Variants in DMD observed in about 807,000 individuals in gnomAD.
DMD encodes the protein mutant dystrophin.
In DMD, 63 loss-of-function variants were observed where a neutral mutation model predicts 330.1. The observed-to-expected ratio is 0.19, with a 90% CI of 0.16 to 0.24. The LOEUF is 0.24. Among genes scored for constraint, DMD ranks in the 10% least tolerant of loss-of-function variants. DMD has a pLI of 1.00. For missense variants in DMD, 3,344 were observed against 2,684.1 expected (o/e 1.25, Z -5.43); for synonymous variants, 1,223 against 959.8 (o/e 1.27, Z -5.07).
intron 44 of DMD, among the ~76,000 whole-genome samples, chrX:32,190,485 C>G (rs2096968669): frequency 1.0e-5 from 1 of 100,197 alleles, no homozygotes; most frequent in Admixed American, 1.1e-4. Flanking sequence ...ATACATGGGA[C>G]TTGTCAAGAG....
chrX:31,459,122 T>C (rs1184297232), intron 59 of DMD, among the ~76,000 whole-genome samples: 1 of 111,190 alleles, frequency 9.0e-6, no homozygotes, highest in African/African-American at 3.3e-5. Context: ...GCTAGAAACA[T>C]GTGAAGACCA....
chrX:32,362,988 G>A, intron 36 of DMD, 30 bp from the exon 37 acceptor site: 5 of 1,177,169 alleles, frequency 4.2e-6, no homozygotes, highest in Non-Finnish European at 3.4e-6. Flanking sequence ...GATAGGACTT[G>A]AAGTTAGTAA....
chrX:31,298,736 C>G (rs2054396015), intron 62 of DMD, among the ~76,000 whole-genome samples: 1 of 111,970 alleles, frequency 8.9e-6, no homozygotes. Context: ...AGCAGGTTGG[C>G]AATGAGTAAA....
At chrX:32,834,976 G>T (rs2079485673) in intron 4 of DMD, among the ~76,000 whole-genome samples, 1 of 110,796 alleles carries the variant, frequency 9.0e-6, no homozygotes, top group South Asian at 3.8e-4. Context: ...GGGGAGCGGG[G>T]GGTAGTTTAA....
At chrX:32,398,559 G>A (rs966265769) in intron 30 of DMD, among the ~76,000 whole-genome samples, 9 of 110,830 alleles carry the variant, frequency 8.1e-5, no homozygotes, top group African/African-American at 2.0e-4. Context: ...ATTTTTCTGC[G>A]TAATCTTGAC....
At chrX:32,730,801 TACAGAAAATTTTCAGCCATGA>T (rs2067500926) in intron 7 of DMD, among the ~76,000 whole-genome samples, 1 of 111,404 alleles carries the variant, frequency 9.0e-6, no homozygotes, top group African/African-American at 3.3e-5. Context: ...AGATGGGAGA[TACAGAAAATTTTCAGCCATGA>T]GCAGAAAAAG....
chrX:33,079,304 G>T (rs2094891414), intron 1 of DMD, among the ~76,000 whole-genome samples: 1 of 111,568 alleles, frequency 9.0e-6, no homozygotes, highest in African/African-American at 3.3e-5. Context: ...GAGCCACCAT[G>T]CCCGGCCTAT....
intron 1 of DMD, among the ~76,000 whole-genome samples, chrX:33,084,716 T>C (rs1245966785): frequency 1.8e-5 from 2 of 111,723 alleles, no homozygotes; most frequent in Non-Finnish European, 3.8e-5. Context: ...GCATGACTCC[T>C]AAACCATAAT....
intron 51 of DMD, among the ~76,000 whole-genome samples, chrX:31,765,997 A>C (rs2089968186): frequency 9.0e-6 from 1 of 111,499 alleles, no homozygotes; most frequent in Non-Finnish European, 1.9e-5. Context: ...TTACATCATA[A>C]CACACTGTAA....
intron 9 of DMD, among the ~76,000 whole-genome samples, chrX:32,678,516 G>GTGTGT (rs1556911673): frequency 8.1e-5 from 9 of 111,193 alleles, no homozygotes; most frequent in African/African-American, 1.6e-4. Flanking sequence ...GTGTGTGTGT[G>GTGTGT]TGTGTTGTGT....
chrX:32,072,197 C>T (rs1403014994), intron 44 of DMD, among the ~76,000 whole-genome samples: 3 of 111,123 alleles, frequency 2.7e-5, no homozygotes, highest in Non-Finnish European at 5.7e-5. Context: ...TGCTGATATA[C>T]GTGCCACGAT....
At chrX:33,324,190 G>A (rs2054055993) in intron 1 of DMD, among the ~76,000 whole-genome samples, 1 of 111,148 alleles carries the variant, frequency 9.0e-6, no homozygotes, top group Admixed American at 9.6e-5. Flanking sequence ...TATTTCGGAG[G>A]TGATCCCAGG....
At chrX:33,126,909 A>G (rs1375477901) in intron 1 of DMD, among the ~76,000 whole-genome samples, 1 of 111,843 alleles carries the variant, frequency 8.9e-6, no homozygotes, top group Non-Finnish European at 1.9e-5. Context: ...TTCCAGGACA[A>G]TCTGATGAAT....
chrX:32,404,583 A>G (rs1317245079), intron 30 of DMD, among the ~76,000 whole-genome samples: 1 of 111,656 alleles, frequency 9.0e-6, no homozygotes, highest in East Asian at 2.8e-4. Context: ...TTTCCCCTAC[A>G]AAATGTGCAT....
At chrX:32,369,060 T>C (rs2097863694) in intron 34 of DMD, among the ~76,000 whole-genome samples, 1 of 111,310 alleles carries the variant, frequency 9.0e-6, no homozygotes, top group South Asian at 3.7e-4. Flanking sequence ...CTAAGGGTTT[T>C]TATGATAGAG....
chrX:32,580,507 T>C (rs1030670083), intron 13 of DMD, among the ~76,000 whole-genome samples: 2 of 111,972 alleles, frequency 1.8e-5, no homozygotes, highest in African/African-American at 6.5e-5. Flanking sequence ...GTACAGACTC[T>C]CCTAGACAGG....
rs765734746 is a variant in DMD at position 32,581,371 on chromosome X, A to C, written c.1603-7525T>G. ...ACTCCTGCTCTGGTTACTATGTAGA[A>C]AAACAGACTAAGGATCATCAGATCA... On this transcript the variant is annotated intron_variant, in intron 13 of 78. Transcript: ENST00000357033. Among the ~76,000 whole-genome samples, 15 of 112,505 alleles carry C rather than the reference A, an allele frequency of 1.3e-4. No homozygotes were observed. The East Asian group carries it at 4.2e-3, about 31-fold the overall frequency.
chrX:32,921,614 C>T (rs1432642886), intron 2 of DMD, among the ~76,000 whole-genome samples: 1 of 111,354 alleles, frequency 9.0e-6, no homozygotes, highest in Non-Finnish European at 1.9e-5. Context: ...AATGCCAGCA[C>T]CCCCAGTAAG....
chrX:31,780,278 T>C (rs991613332), intron 50 of DMD, among the ~76,000 whole-genome samples: 1 of 112,306 alleles, frequency 8.9e-6, no homozygotes, highest in Non-Finnish European at 1.9e-5. Flanking sequence ...GTTGAATGAA[T>C]GTGGGTAACT....
Sources: allele counts gnomAD v4.1 joint callset (sites outside exome capture counted in the v4.1 genomes callset), GRCh38; gene constraint gnomAD v4.1.1; transcripts MANE v1.5; gene names NCBI Gene and HGNC (gene_info 2026-07-23, HGNC 2026-07-21).